The following HTR7 variants were observed in gnomAD, a reference collection of about 807,000 sequenced individuals.
The protein encoded by HTR7 is 5-hydroxytryptamine receptor 7.
Under a neutral mutation model 34.0 loss-of-function variants are expected in HTR7, and 16 were observed. The ratio of observed to expected loss-of-function variants is 0.47; its 90% CI spans 0.32 to 0.71. The LOEUF (loss-of-function observed/expected upper bound fraction) is 0.71, where lower values mean the gene tolerates loss of function less well. HTR7 is among the 30% of genes least tolerant of loss of function. HTR7 has a pLI of 0.04. For missense variants in HTR7, 504 were observed against 625.5 expected (o/e 0.81, Z 2.07); for synonymous variants, 265 against 260.2 (o/e 1.02, Z -0.18).
intron 1 of HTR7, among the ~76,000 whole-genome samples, chr10:90,785,359 T>C (rs1845364794): frequency 6.6e-6 from 1 of 152,134 alleles, no homozygotes; most frequent in Non-Finnish European, 1.5e-5. Context: ...AAGGCCTAAA[T>C]ATCTAATTGA....
At chr10:90,768,684 G>A (rs1439216292) in intron 1 of HTR7, among the ~76,000 whole-genome samples, 2 of 152,088 alleles carry the variant, frequency 1.3e-5, no homozygotes, top group Non-Finnish European at 2.9e-5. Flanking sequence ...ATTAAATTGT[G>A]GGACTTTGCC....
intron 1 of HTR7, among the ~76,000 whole-genome samples, chr10:90,771,230 GTGGGTCTCTGC>G (rs777549740): frequency 2.1e-4 from 32 of 152,202 alleles, no homozygotes; most frequent in Non-Finnish European, 3.7e-4. Context: ...GCTGCACCCT[GTGGGTCTCTGC>G]TGGTTGTTCT....
chr10:90,782,092 A>G (rs1005400842), intron 1 of HTR7, among the ~76,000 whole-genome samples: 18 of 152,208 alleles, frequency 1.2e-4, no homozygotes, highest in Non-Finnish European at 2.6e-4. Context: ...TACAGGTGAG[A>G]GAGCTCCACT....
Position 90,743,489 on chromosome 10 carries a change from C to G in HTR7, c.1393+104G>C, listed in dbSNP as rs537495116. ...CTGTCTCTTCCCAGCACAGGAGAGA[C>G]AGTGCTTTCTCCAGCTCAGCACGGC... On this transcript the variant is annotated intron_variant, in intron 3 of 3. Transcript: ENST00000336152. 12 of 913,988 alleles carry G rather than the reference C, an allele frequency of 1.3e-5. No homozygotes were observed. In the Middle Eastern group the frequency reaches 1.1e-3, roughly 83 times the overall value. The allele number at this position is 913,988 out of a possible 1,614,324, so 56.6% of individuals were successfully genotyped here.
At chr10:90,821,851 C>T (rs977258996) in intron 1 of HTR7, among the ~76,000 whole-genome samples, 13 of 145,824 alleles carry the variant, frequency 8.9e-5, no homozygotes, top group African/African-American at 3.3e-4. Flanking sequence ...CCTCCCCCTT[C>T]ACTCTCTCTC....
At position 90,805,190 on chromosome 10, in the gene HTR7, G is replaced by T. The variant is rs142586723; in HGVS notation, c.539+51943C>A. 5.0e-4 allele frequency among the ~76,000 whole-genome samples: 76 copies of T among 152,248 alleles called. No homozygotes were observed. In the East Asian group the frequency reaches 0.014, roughly 27 times the overall value. On this transcript the variant is annotated intron_variant, in intron 1 of 3. Transcript: ENST00000336152. ...TGAAGACAGTTATTTACAGGAAATG[G>T]TCATTACTATAGGGGGCTACTCATT...
intron 1 of HTR7, among the ~76,000 whole-genome samples, chr10:90,823,012 G>A (rs1846010906): frequency 6.6e-6 from 1 of 152,266 alleles, no homozygotes; most frequent in Admixed American, 6.5e-5. Flanking sequence ...ATGCCTGGAT[G>A]TGCAGGCAGA....
chr10:90,844,726 CAAAAAAAAAAAAAAAAAAAAAAAAAA>C (rs71025328), intron 1 of HTR7, among the ~76,000 whole-genome samples: 9 of 39,476 alleles, frequency 2.3e-4, no homozygotes, highest in Admixed American at 9.3e-4. Context: ...GACTCCGTCT[CAAAAAAAAAAAAAAAAAAAAAAAAAA>C]AAAAAAAAAA....
intron 1 of HTR7, among the ~76,000 whole-genome samples, chr10:90,821,159 C>A (rs942587603): frequency 1.1e-4 from 17 of 149,308 alleles, no homozygotes; most frequent in Non-Finnish European, 2.4e-4. Flanking sequence ...CACACAAGCA[C>A]CTTCATAAGA....
At chr10:90,751,602 T>C (rs1193730495) in intron 1 of HTR7, among the ~76,000 whole-genome samples, 9 of 152,120 alleles carry the variant, frequency 5.9e-5, no homozygotes, top group East Asian at 5.8e-4. Context: ...CCAGATGGCA[T>C]TGTCAGATCA....
intron 1 of HTR7, among the ~76,000 whole-genome samples, chr10:90,836,801 T>C (rs889693295): frequency 1.8e-4 from 27 of 152,282 alleles, no homozygotes; most frequent in African/African-American, 6.5e-4. Context: ...TGAGCCACCA[T>C]GTTCAGCTGT....
At chr10:90,821,069 A>C (rs1340017626) in intron 1 of HTR7, among the ~76,000 whole-genome samples, 2 of 152,010 alleles carry the variant, frequency 1.3e-5, no homozygotes, top group African/African-American at 2.4e-5. Context: ...TCCACCAATC[A>C]TCCTCCCTGA....
chr10:90,823,723 A>G (rs552897446), intron 1 of HTR7, among the ~76,000 whole-genome samples: 1 of 152,202 alleles, frequency 6.6e-6, no homozygotes, highest in Non-Finnish European at 1.5e-5. Context: ...ATGACCTACA[A>G]TCTTCAATGC....
At chr10:90,821,134 G>GCGCACACA (rs111550818) in intron 1 of HTR7, among the ~76,000 whole-genome samples, 139 of 150,314 alleles carry the variant, frequency 9.2e-4, no homozygotes, top group African/African-American at 3.0e-3. Context: ...ACACACACAT[G>GCGCACACA]CACACACACA....
At chr10:90,742,675 G>T in intron 3 of HTR7, 147 bp from the exon 4 acceptor site, 1 of 537,884 alleles carries the variant, frequency 1.9e-6, no homozygotes, top group South Asian at 2.6e-5. Context: ...ATCCTTCAAG[G>T]GAAAGAAAAA....
chr10:90,827,500 T>C (rs950335530), intron 1 of HTR7, among the ~76,000 whole-genome samples: 3 of 151,728 alleles, frequency 2.0e-5, no homozygotes, highest in African/African-American at 7.3e-5. Context: ...ACTTCACCTA[T>C]AAAGACACAC....
chr10:90,817,412 CTAAGG>C (rs905282318), intron 1 of HTR7, among the ~76,000 whole-genome samples: 1 of 152,226 alleles, frequency 6.6e-6, no homozygotes, highest in Non-Finnish European at 1.5e-5. Flanking sequence ...TCACCCCTCC[CTAAGG>C]TAAGATGAGA....
chr10:90,821,735 G>A (rs1845984793), intron 1 of HTR7, among the ~76,000 whole-genome samples: 1 of 152,196 alleles, frequency 6.6e-6, no homozygotes, highest in Admixed American at 6.5e-5. Context: ...TTCAGTGTTG[G>A]AGAAAGGGCC....
At chr10:90,849,562 T>A (rs1291044993) in intron 1 of HTR7, among the ~76,000 whole-genome samples, 1 of 152,188 alleles carries the variant, frequency 6.6e-6, no homozygotes, top group Non-Finnish European at 1.5e-5. Flanking sequence ...CAAGACAGAA[T>A]GCAGTTCAAG....
Sources: gnomAD v4.1 joint callset for allele counts (sites outside exome capture counted in the v4.1 genomes callset) on GRCh38, gnomAD v4.1.1 for gene constraint, MANE v1.5 for transcripts, NCBI Gene and HGNC (gene_info 2026-07-23, HGNC 2026-07-21) for gene names.